Variants in PLA2G2C observed in about 807,000 individuals in gnomAD.
The protein encoded by PLA2G2C is putative inactive group IIC secretory phospholipase A2.
A neutral mutation model predicts 14.3 loss-of-function variants in PLA2G2C; 15 were observed. The ratio of observed to expected loss-of-function variants is 1.05; its 90% CI spans 0.70 to 1.62. PLA2G2C has a LOEUF of 1.62. Among genes scored for constraint, PLA2G2C ranks in the 40% most tolerant of loss-of-function variants. PLA2G2C has a pLI of 0.00. For missense variants in PLA2G2C, 162 were observed against 173.2 expected (o/e 0.94, Z 0.36); for synonymous variants, 79 against 67.7 (o/e 1.17, Z -0.82).
intron 4 of PLA2G2C, 71 bp downstream of exon 4, chr1:20,172,723 G>C (rs1209583196): frequency 7.7e-7 from 1 of 1,302,792 alleles, no homozygotes; most frequent in East Asian, 2.4e-5. Flanking sequence ...AGATCTCTGG[G>C]TCAAAGAGGA....
intron 1 of PLA2G2C, among the ~76,000 whole-genome samples, chr1:20,180,114 T>TATGTCAGCTTCTCCCTTGC (rs2018259375): frequency 6.6e-6 from 1 of 152,004 alleles, no homozygotes; most frequent in Admixed American, 6.5e-5. Context: ...CTTCTCTTTC[T>TATGTCAGCTTCTCCCTTGC]ATGTCAGCTT....
At chr1:20,165,743 TATGTGTCC>T (rs2017966370) in intron 4 of PLA2G2C, among the ~76,000 whole-genome samples, 1 of 151,890 alleles carries the variant, frequency 6.6e-6, no homozygotes, top group South Asian at 2.1e-4. Context: ...TGTGTGCAGG[TATGTGTCC>T]ATGTGTGCAT....
intron 4 of PLA2G2C, among the ~76,000 whole-genome samples, chr1:20,167,274 G>A (rs2017995208): frequency 6.6e-6 from 1 of 152,136 alleles, no homozygotes; most frequent in Non-Finnish European, 1.5e-5. Context: ...ATAAGCACGT[G>A]TCCACCTGCC....
chr1:20,163,801 C>T lies in PLA2G2C; in HGVS notation c.*190G>A, dbSNP rs1327722347. 1 of 625,906 alleles carries T rather than the reference C, an allele frequency of 1.6e-6. No homozygotes were observed. The highest frequency in any genetic ancestry group is 2.2e-5 in the South Asian group (1 of 45,490). 38.8% of individuals were successfully genotyped at this position (625,906 alleles called of 1,614,324 possible). A position where few individuals can be genotyped will look rare whatever the true frequency, so the allele number is the denominator to read the frequency against. Reference sequence around the variant, plus strand: ...TCTCATCTTTCCCATTTCTGCTCTCCAGCCCTCTGATGCTGAACGACAGGG... The same window carrying T: ...TCTCATCTTTCCCATTTCTGCTCTCTAGCCCTCTGATGCTGAACGACAGGG... On this transcript the variant is annotated 3_prime_UTR_variant, in exon 5 of 5. Transcript: ENST00000679259.
chr1:20,176,215 G>C (rs549096260), intron 2 of PLA2G2C, among the ~76,000 whole-genome samples: 1 of 152,136 alleles, frequency 6.6e-6, no homozygotes, highest in South Asian at 2.1e-4. Context: ...AACCGCGCCC[G>C]GCCCAGCATG....
chr1:20,177,668 T>A (rs1258329527), intron 1 of PLA2G2C, among the ~76,000 whole-genome samples: 2 of 152,184 alleles, frequency 1.3e-5, no homozygotes, highest in African/African-American at 2.4e-5. Flanking sequence ...TTTCCAAATT[T>A]CTTTCTTTGG....
At position 20,164,038 on chromosome 1, in the gene PLA2G2C, G is replaced by A; in HGVS notation, c.403C>T (p.Gln135Ter). 1 of 1,613,696 alleles carries A rather than the reference G, an allele frequency of 6.2e-7. No homozygotes were observed. ...CCACACCTGGGCTGGCTGGAGAACTGCTTGAAGTTTTTCTCATAGGTGGGC... is the reference window on the plus strand; with the variant it reads ...CCACACCTGGGCTGGCTGGAGAACTACTTGAAGTTTTTCTCATAGGTGGGC... ...SLPTYEKNFK[Q>*]FSSQPRCGRH... Residue 135 changes from glutamine (Q) to a stop codon, truncating the protein, a stop_gained, in exon 5 of 5, where the codon CAG becomes TAG. Coordinates refer to ENST00000679259, the MANE Select transcript of PLA2G2C (RefSeq NM_001367969.2). LOFTEE classifies it high-confidence loss of function.
chr1:20,182,698 T>G (rs759928361), intron 1 of PLA2G2C, among the ~76,000 whole-genome samples: 8 of 152,246 alleles, frequency 5.3e-5, no homozygotes, highest in Non-Finnish European at 1.2e-4. Context: ...TACTAGAATA[T>G]CCACCTGGTT....
chr1:20,172,689 C>T, intron 4 of PLA2G2C, 105 bp downstream of exon 4: 1 of 1,016,968 alleles, frequency 9.8e-7, no homozygotes, highest in South Asian at 1.6e-5. Context: ...CTTCCAAGCA[C>T]TTGGAAGCAT....
chr1:20,164,569 T>C (rs2017941553), intron 4 of PLA2G2C, among the ~76,000 whole-genome samples: 2 of 152,198 alleles, frequency 1.3e-5, no homozygotes, highest in Admixed American at 1.3e-4. Flanking sequence ...GGGCCCTGAA[T>C]GGGTGCGCCC....
intron 3 of PLA2G2C, among the ~76,000 whole-genome samples, chr1:20,174,220 C>A (rs542072254): frequency 6.6e-6 from 1 of 152,262 alleles, no homozygotes; most frequent in South Asian, 2.1e-4. Context: ...ATATTTAAGG[C>A]CCCACTGTGG....
At chr1:20,165,935 C>T (rs762127411) in intron 4 of PLA2G2C, among the ~76,000 whole-genome samples, 4 of 152,226 alleles carry the variant, frequency 2.6e-5, no homozygotes, top group Non-Finnish European at 5.9e-5. Context: ...CACCAGACGC[C>T]CGGTTTATGA....
chr1:20,183,979 ACAT>A (rs1394080288), intron 1 of PLA2G2C, among the ~76,000 whole-genome samples: 1 of 152,200 alleles, frequency 6.6e-6, no homozygotes, highest in Non-Finnish European at 1.5e-5. Flanking sequence ...TCCTTTGAAG[ACAT>A]CCTCTTTATA....
chr1:20,174,195 C>G (rs529858257), intron 3 of PLA2G2C, among the ~76,000 whole-genome samples: 2 of 152,284 alleles, frequency 1.3e-5, no homozygotes, highest in Admixed American at 6.5e-5. Flanking sequence ...CCACAAGACT[C>G]GAGCTCCAGG....
chr1:20,183,653 G>A (rs1173508888), intron 1 of PLA2G2C, among the ~76,000 whole-genome samples: 1 of 152,224 alleles, frequency 6.6e-6, no homozygotes, highest in East Asian at 1.9e-4. Flanking sequence ...GCTTTTGTGG[G>A]GAGGCTGTGG....
At chr1:20,174,093 C>T (rs762691520) in intron 3 of PLA2G2C, among the ~76,000 whole-genome samples, 1 of 152,162 alleles carries the variant, frequency 6.6e-6, no homozygotes, top group Non-Finnish European at 1.5e-5. Context: ...ATGCCAATCG[C>T]CAGTCCCAGT....
At chr1:20,165,760 ATGTG>A (rs1001477802) in intron 4 of PLA2G2C, among the ~76,000 whole-genome samples, 19 of 151,470 alleles carry the variant, frequency 1.3e-4, no homozygotes, top group East Asian at 5.8e-4. Context: ...CCATGTGTGC[ATGTG>A]TGTGTATGTG....
At chr1:20,180,844 G>A (rs544055250) in intron 1 of PLA2G2C, among the ~76,000 whole-genome samples, 83 of 152,326 alleles carry the variant, frequency 5.4e-4, no homozygotes, top group African/African-American at 2.0e-3. Flanking sequence ...TAAGTTGCAG[G>A]GTCCCTAGAC....
intron 2 of PLA2G2C, among the ~76,000 whole-genome samples, chr1:20,177,052 G>A (rs1237652930): frequency 2.0e-5 from 3 of 152,196 alleles, no homozygotes; most frequent in African/African-American, 4.8e-5. Flanking sequence ...TTGAGGGTGA[G>A]GGGGGTAAAA....
Sources: allele counts gnomAD v4.1 joint callset (sites outside exome capture counted in the v4.1 genomes callset), GRCh38; gene constraint gnomAD v4.1.1; transcripts MANE v1.5; gene names NCBI Gene and HGNC (gene_info 2026-07-23, HGNC 2026-07-21).